Variants in ADAMTS19 observed in about 807,000 individuals in gnomAD.
ADAMTS19 encodes the protein ADAM metallopeptidase with thrombospondin type 1 motif 19, also known as A disintegrin and metalloproteinase with thrombospondin motifs 19.
A neutral mutation model predicts 153.3 loss-of-function variants in ADAMTS19; 93 were observed. The observed-to-expected ratio is 0.61, with a 90% CI of 0.51 to 0.72. ADAMTS19 has a LOEUF of 0.72. ADAMTS19 is among the 30% of genes least tolerant of loss of function. ADAMTS19 has a pLI of 0.00. For synonymous variants in ADAMTS19, 600 were observed against 556.6 expected (o/e 1.08, Z -1.10); for missense variants, 1,482 against 1,552.1 (o/e 0.95, Z 0.76).
intron 18 of ADAMTS19, among the ~76,000 whole-genome samples, chr5:129,694,215 C>G (rs1028055989): frequency 1.3e-5 from 2 of 152,114 alleles, no homozygotes; most frequent in Non-Finnish European, 2.9e-5. Flanking sequence ...TATTACTCAT[C>G]CCTTTTAAGC....
At chr5:129,712,956 C>T (rs1292780051) in intron 21 of ADAMTS19, among the ~76,000 whole-genome samples, 1 of 152,002 alleles carries the variant, frequency 6.6e-6, no homozygotes, top group Non-Finnish European at 1.5e-5. Context: ...AAAATAAAAT[C>T]CAGAGGGTTT....
chr5:129,668,986 A>G (rs921486712), intron 16 of ADAMTS19, among the ~76,000 whole-genome samples: 3 of 152,048 alleles, frequency 2.0e-5, no homozygotes, highest in African/African-American at 7.2e-5. Context: ...TGATTGCAAA[A>G]CTTCCTACAA....
chr5:129,647,446 A>G (rs992849834), intron 11 of ADAMTS19, among the ~76,000 whole-genome samples: 1 of 151,690 alleles, frequency 6.6e-6, no homozygotes, highest in Non-Finnish European at 1.5e-5. Flanking sequence ...AATGTGTTGG[A>G]TTTTCTTTCC....
chr5:129,479,122 G>T (rs144365533), intron 2 of ADAMTS19, among the ~76,000 whole-genome samples: 94 of 152,120 alleles, frequency 6.2e-4, no homozygotes, highest in African/African-American at 2.2e-3. Context: ...GAGGCCTAGA[G>T]GTGAAATTTA....
At chr5:129,671,960 A>C (rs1409348407) in intron 16 of ADAMTS19, among the ~76,000 whole-genome samples, 1 of 152,178 alleles carries the variant, frequency 6.6e-6, no homozygotes, top group African/African-American at 2.4e-5. Flanking sequence ...TTTATAATGT[A>C]CCTGTCATTT....
At chr5:129,715,305 G>T (rs79717498) in intron 21 of ADAMTS19, among the ~76,000 whole-genome samples, 5,767 of 152,124 alleles carry the variant, frequency 0.038, 342 homozygotes, top group African/African-American at 0.13. Flanking sequence ...TATTGAGAAT[G>T]ATTGATATTA....
chr5:129,578,110 ATGTATATGTACGTATACGTACATATAC>A (rs2126878528), intron 7 of ADAMTS19, among the ~76,000 whole-genome samples: 1 of 139,326 alleles, frequency 7.2e-6, no homozygotes, highest in Non-Finnish European at 1.6e-5. Flanking sequence ...ATACATATGC[ATGTATATGTACGTATACGTACATATAC>A]CTATATGCAT....
rs1751814245 is a variant in ADAMTS19, at chr5:129,622,303, C to T, written c.1725C>T (p.Cys575=). Residue 575 remains cysteine, a synonymous_variant, in exon 10 of 23, where the codon TGC becomes TGT. Coordinates refer to ENST00000274487, the MANE Select transcript of ADAMTS19 (RefSeq NM_133638.6). ...PGMTYTADEQ[C]QILFGPLASF... The stretch of plus-strand genomic sequence containing the variant: ...TGACATACACTGCTGATGAACAATG[C>T]CAGATCCTTTTTGGGCCATTGGCTT... 4 of 1,614,048 alleles carry T rather than the reference C, an allele frequency of 2.5e-6. No homozygotes were observed. In the East Asian group the frequency reaches 6.7e-5, roughly 27 times the overall value.
At chr5:129,533,036 G>A (rs1752268540) in intron 6 of ADAMTS19, among the ~76,000 whole-genome samples, 1 of 152,138 alleles carries the variant, frequency 6.6e-6, no homozygotes, top group Admixed American at 6.5e-5. Flanking sequence ...CTGGCAGGCG[G>A]AGGTTGCAGT....
intron 8 of ADAMTS19, among the ~76,000 whole-genome samples, chr5:129,619,639 G>A (rs188285978): frequency 6.6e-6 from 1 of 152,164 alleles, no homozygotes; most frequent in Non-Finnish European, 1.5e-5. Context: ...AGGGTAGGAG[G>A]AGGGGAAGGG....
At chr5:129,573,357 CTAAA>C (rs1298212687) in intron 7 of ADAMTS19, among the ~76,000 whole-genome samples, 1 of 152,020 alleles carries the variant, frequency 6.6e-6, no homozygotes, top group Non-Finnish European at 1.5e-5. Context: ...CTTCAGAACT[CTAAA>C]TAAATTCTTT....
At chr5:129,730,494 T>G (rs1268851271) in intron 21 of ADAMTS19, among the ~76,000 whole-genome samples, 2 of 152,130 alleles carry the variant, frequency 1.3e-5, no homozygotes, top group Non-Finnish European at 2.9e-5. Context: ...AACAGAAATA[T>G]AGGCTTCATT....
At chr5:129,494,490 C>T (rs1412568122) in intron 2 of ADAMTS19, among the ~76,000 whole-genome samples, 1 of 152,160 alleles carries the variant, frequency 6.6e-6, no homozygotes, top group African/African-American at 2.4e-5. Context: ...TGTCTACAGT[C>T]ACTTGGTAAT....
At chr5:129,657,762 A>C (rs936269509) in intron 14 of ADAMTS19, among the ~76,000 whole-genome samples, 1 of 152,220 alleles carries the variant, frequency 6.6e-6, no homozygotes, top group Non-Finnish European at 1.5e-5. Context: ...ATCTATGTTC[A>C]GTTTTCCAGA....
At chr5:129,684,419 A>C (rs1329993930) in intron 18 of ADAMTS19, 146 bp downstream of exon 18, 1 of 1,054,354 alleles carries the variant, frequency 9.5e-7, no homozygotes, top group Non-Finnish European at 1.3e-6. Context: ...TGATATGTTT[A>C]GTGGCTAAAC....
At position 129,461,570 on chromosome 5, in the gene ADAMTS19, G is replaced by A; in HGVS notation, c.560G>A (p.Arg187Gln). ...AFSRDLYLLL[R>Q]RDGRFLAPRF... Reference sequence around the variant, plus strand: ...TCTCGGGACCTGTACCTGCTGCTCCGGAGAGACGGCCGCTTCCTGGCGCCG... The same window carrying A: ...TCTCGGGACCTGTACCTGCTGCTCCAGAGAGACGGCCGCTTCCTGGCGCCG... Residue 187 changes from arginine (R) to glutamine (Q), a missense_variant, in exon 2 of 23, where the codon CGG becomes CAG. Around this residue, in one of 2 missense-constraint regions of ADAMTS19, gnomAD observed 866 missense variants for 827.7 expected, o/e 1.05. Coordinates refer to ENST00000274487, the MANE Select transcript of ADAMTS19 (RefSeq NM_133638.6). This position sits in a 1 kb window ranked among gnomAD's most constrained non-coding sequence, Gnocchi z 4.6. The A allele has an allele frequency of 1.3e-6, 2 of 1,560,636 alleles. No homozygotes were observed. Among genetic ancestry groups the A allele is most frequent in the East Asian group, 2.4e-5 (1 of 41,612 alleles).
chr5:129,482,013 G>T (rs1326311861), intron 2 of ADAMTS19, among the ~76,000 whole-genome samples: 1 of 152,124 alleles, frequency 6.6e-6, no homozygotes, highest in Non-Finnish European at 1.5e-5. Flanking sequence ...CATTGCCTTT[G>T]CTTCCTCTGC....
At chr5:129,707,214 T>G (rs1283953932) in intron 21 of ADAMTS19, among the ~76,000 whole-genome samples, 1 of 152,216 alleles carries the variant, frequency 6.6e-6, no homozygotes, top group Non-Finnish European at 1.5e-5. Flanking sequence ...GGACTTTGAT[T>G]ATACTTGGGC....
chr5:129,507,537 A>G (rs1447376166), intron 2 of ADAMTS19, among the ~76,000 whole-genome samples: 1 of 152,128 alleles, frequency 6.6e-6, no homozygotes, highest in Non-Finnish European at 1.5e-5. Flanking sequence ...ACTTGAAGTT[A>G]TTTGAAGGCA....
Sources: allele counts gnomAD v4.1 joint callset (sites outside exome capture counted in the v4.1 genomes callset), GRCh38; gene constraint gnomAD v4.1.1; regional missense constraint gnomAD v4.1.1; non-coding constraint Gnocchi (gnomAD v3.1); transcripts MANE v1.5; gene names NCBI Gene and HGNC (gene_info 2026-07-23, HGNC 2026-07-21).